Variants in RAB38 observed in about 807,000 individuals in gnomAD.
RAB38 encodes the protein RAB38, member RAS oncogene family, also known as ras-related protein Rab-38.
A neutral mutation model predicts 18.4 loss-of-function variants in RAB38; 15 were observed. The ratio of observed to expected loss-of-function variants is 0.82; its 90% CI spans 0.55 to 1.26. The LOEUF is 1.26. RAB38 is among the 50% of genes most tolerant of loss of function. The probability of loss-of-function intolerance (pLI) is 0.00; values close to 1 mark genes in which losing one functional copy is unlikely to be tolerated. For missense variants in RAB38, 294 were observed against 267.4 expected (o/e 1.10, Z -0.69); for synonymous variants, 101 against 104.4 (o/e 0.97, Z 0.20).
At chr11:88,138,297 C>G (rs555908753) in intron 2 of RAB38, among the ~76,000 whole-genome samples, 4 of 152,150 alleles carry the variant, frequency 2.6e-5, no homozygotes, top group Non-Finnish European at 5.9e-5. Flanking sequence ...TAAGCACAGA[C>G]AGCAAATTAT....
chr11:88,168,649 C>A (rs1943272167), intron 1 of RAB38, among the ~76,000 whole-genome samples: 1 of 119,968 alleles, frequency 8.3e-6, no homozygotes, highest in Admixed American at 9.2e-5. Flanking sequence ...CTTCTCAAAT[C>A]TTCAAGTTTT....
the RAB38 span, among the ~76,000 whole-genome samples, chr11:88,064,773 T>C: frequency 6.6e-6 from 1 of 152,370 alleles, no homozygotes; most frequent in African/African-American, 2.4e-5. Context: ...AATTCATTAA[T>C]TATATTCCTT....
chr11:88,069,358 A>G, the RAB38 span, among the ~76,000 whole-genome samples: 1 of 152,178 alleles, frequency 6.6e-6, no homozygotes, highest in Non-Finnish European at 1.5e-5. Flanking sequence ...ACGTGGCCCA[A>G]GCCTCCCCGA....
At chr11:87,973,058 C>G in the RAB38 span, among the ~76,000 whole-genome samples, 1 of 151,924 alleles carries the variant, frequency 6.6e-6, no homozygotes, top group Non-Finnish European at 1.5e-5. Context: ...GAGGCCTCCC[C>G]AGCCATGCTT....
chr11:88,081,612 C>G, the RAB38 span, among the ~76,000 whole-genome samples: 22 of 152,034 alleles, frequency 1.4e-4, no homozygotes, highest in East Asian at 2.3e-3. Flanking sequence ...CTTTACATAG[C>G]CTTCTCCCCT....
the RAB38 span, among the ~76,000 whole-genome samples, chr11:87,866,692 T>C: frequency 4.6e-5 from 7 of 151,740 alleles, no homozygotes; most frequent in African/African-American, 1.7e-4. Context: ...TGGTGGAACT[T>C]AAACTAATTG....
chr11:88,043,023 G>C, the RAB38 span, among the ~76,000 whole-genome samples: 2 of 128,766 alleles, frequency 1.6e-5, no homozygotes, highest in African/African-American at 3.2e-5. Flanking sequence ...CACACACACA[G>C]AGCAATAAAC....
chr11:88,157,270 G>A (rs566809044), intron 1 of RAB38, among the ~76,000 whole-genome samples: 17 of 152,164 alleles, frequency 1.1e-4, no homozygotes, highest in South Asian at 1.0e-3. Flanking sequence ...AATAATAAAC[G>A]GCTCAATTCG....
At chr11:87,825,964 ATGG>A in the RAB38 span, among the ~76,000 whole-genome samples, 12 of 152,262 alleles carry the variant, frequency 7.9e-5, no homozygotes, top group South Asian at 2.1e-4. Flanking sequence ...TAAAAAATAA[ATGG>A]TGGTTTAATT....
intron 2 of RAB38, among the ~76,000 whole-genome samples, chr11:88,128,031 G>T (rs1942724710): frequency 6.6e-6 from 1 of 152,188 alleles, no homozygotes; most frequent in African/African-American, 2.4e-5. Flanking sequence ...AAAGAAAAAT[G>T]AGCTGATTCA....
chr11:87,824,182 A>G, the RAB38 span, among the ~76,000 whole-genome samples: 2 of 152,320 alleles, frequency 1.3e-5, no homozygotes, highest in African/African-American at 4.8e-5. Context: ...GAATCACTGC[A>G]CTAGGATTAA....
At chr11:88,066,778 A>G in the RAB38 span, among the ~76,000 whole-genome samples, 10 of 152,274 alleles carry the variant, frequency 6.6e-5, no homozygotes, top group East Asian at 1.9e-3. Flanking sequence ...TTTTCCTCTC[A>G]ATTTCTCATC....
the RAB38 span, among the ~76,000 whole-genome samples, chr11:88,074,305 C>A: frequency 6.6e-6 from 1 of 152,042 alleles, no homozygotes; most frequent in Non-Finnish European, 1.5e-5. Context: ...ACCCAAAAGA[C>A]TAATGTATCA....
chr11:87,907,212 T>A, the RAB38 span, among the ~76,000 whole-genome samples: 1 of 151,974 alleles, frequency 6.6e-6, no homozygotes, highest in African/African-American at 2.4e-5. Context: ...TTTCTAATAC[T>A]GTATATTGTC....
chr11:87,950,958 C>CTGGATAATATCCTGCAGAGTGTTT, the RAB38 span, among the ~76,000 whole-genome samples: 1 of 152,176 alleles, frequency 6.6e-6, no homozygotes, highest in African/African-American at 2.4e-5. Context: ...GGAAGTTCTC[C>CTGGATAATATCCTGCAGAGTGTTT]TGGATAATAT....
chr11:88,016,050 A>AAAAAAGCAGCAGGGT, the RAB38 span, among the ~76,000 whole-genome samples: 1 of 152,138 alleles, frequency 6.6e-6, no homozygotes, highest in African/African-American at 2.4e-5. Flanking sequence ...AGCAGCAGGG[A>AAAAAAGCAGCAGGGT]AAAAAAGCAG....
chr11:87,875,505 A>T, the RAB38 span, among the ~76,000 whole-genome samples: 14 of 151,468 alleles, frequency 9.2e-5, no homozygotes, highest in Non-Finnish European at 2.1e-4. Context: ...GTATCAATTC[A>T]CCCAAAATTG....
At chr11:88,069,327 G>A in the RAB38 span, among the ~76,000 whole-genome samples, 5 of 152,162 alleles carry the variant, frequency 3.3e-5, no homozygotes, top group African/African-American at 1.2e-4. Context: ...CATGCCGGAG[G>A]GCCCCCCAGG....
chr11:88,076,984 G>GAAAAGAAAACAAAAGA, the RAB38 span, among the ~76,000 whole-genome samples: 3 of 63,672 alleles, frequency 4.7e-5, no homozygotes, highest in African/African-American at 2.3e-4. Flanking sequence ...AAGAAAGAAA[G>GAAAAGAAAACAAAAGA]AAAGAAAAGA....
Sources: gnomAD v4.1 joint callset for allele counts (sites outside exome capture counted in the v4.1 genomes callset) on GRCh38, gnomAD v4.1.1 for gene constraint, MANE v1.5 for transcripts, NCBI Gene and HGNC (gene_info 2026-07-23, HGNC 2026-07-21) for gene names.